Variants in TP63 observed in about 807,000 individuals in gnomAD.
TP63 encodes tumor protein 63.
Under a neutral mutation model 82.8 loss-of-function variants are expected in TP63, and 17 were observed. The observed-to-expected ratio is 0.21, with a 90% CI of 0.14 to 0.31. TP63 has a LOEUF of 0.31. TP63 is among the 10% of genes least tolerant of loss of function. The pLI is 1.00. For missense variants in TP63, 648 were observed against 895.3 expected (o/e 0.72, Z 3.52); for synonymous variants, 330 against 321.7 (o/e 1.03, Z -0.28).
intron 10 of TP63, among the ~76,000 whole-genome samples, chr3:189,881,961 TA>T (rs1397617715): frequency 6.6e-6 from 1 of 151,362 alleles, no homozygotes; most frequent in Non-Finnish European, 1.5e-5. Context: ...TTTTTTTTTT[TA>T]CTTATGTTTT....
At chr3:189,627,622 A>G (rs1729349402), upstream of TP63, among the ~76,000 whole-genome samples, 1 of 152,212 alleles carries the variant, frequency 6.6e-6, no homozygotes, top group Non-Finnish European at 1.5e-5. Context: ...CGGTGCAAAT[A>G]TAGAATATTT....
At chr3:189,633,125 T>C (rs1729561981) in intron 1 of TP63, among the ~76,000 whole-genome samples, 1 of 152,092 alleles carries the variant, frequency 6.6e-6, no homozygotes, top group Non-Finnish European at 1.5e-5. Context: ...ATAGAGAAAC[T>C]ACTTTTTATA....
intron 1 of TP63, among the ~76,000 whole-genome samples, chr3:189,644,490 G>A (rs1712223081): frequency 6.6e-6 from 1 of 152,064 alleles, no homozygotes; most frequent in Admixed American, 6.5e-5. Context: ...AAAATGTGGG[G>A]CCCACATCAG....
intron 3 of TP63, among the ~76,000 whole-genome samples, chr3:189,802,082 C>T (rs893023274): frequency 2.0e-5 from 3 of 152,148 alleles, no homozygotes; most frequent in African/African-American, 7.2e-5. Context: ...AAGAAACCAT[C>T]ATTCTCTGAG....
the TP63 span, among the ~76,000 whole-genome samples, chr3:189,611,113 A>T: frequency 6.6e-6 from 1 of 152,202 alleles, no homozygotes; most frequent in African/African-American, 2.4e-5. Context: ...CTCTATTGAT[A>T]GTTTCTTTTG....
intron 1 of TP63, among the ~76,000 whole-genome samples, chr3:189,663,637 C>T (rs1203211021): frequency 6.8e-6 from 1 of 147,384 alleles, no homozygotes; most frequent in Non-Finnish European, 1.5e-5. Context: ...AAGAGATCCT[C>T]CTGCCTCAGC....
At chr3:189,686,776 G>A (rs1716482837) in intron 1 of TP63, among the ~76,000 whole-genome samples, 1 of 145,158 alleles carries the variant, frequency 6.9e-6, no homozygotes, top group African/African-American at 2.6e-5. Context: ...TGTCAGCCAT[G>A]CTGGAGTGCA....
At chr3:189,825,111 AG>A (rs1348935220) in intron 4 of TP63, among the ~76,000 whole-genome samples, 4 of 152,232 alleles carry the variant, frequency 2.6e-5, no homozygotes, top group Non-Finnish European at 5.9e-5. Flanking sequence ...GGCAAGATGT[AG>A]CTTGCAGGAG....
intron 1 of TP63, among the ~76,000 whole-genome samples, chr3:189,667,671 T>C (rs1252231061): frequency 6.6e-6 from 1 of 152,026 alleles, no homozygotes; most frequent in African/African-American, 2.4e-5. Context: ...AAGCTGAAGA[T>C]TGCATGGTTA....
chr3:189,874,101 G>T (rs567874359), intron 10 of TP63, among the ~76,000 whole-genome samples: 3 of 151,964 alleles, frequency 2.0e-5, no homozygotes, highest in Admixed American at 1.3e-4. Flanking sequence ...ATTGAGTCTC[G>T]CTCTGTCACC....
At chr3:189,827,294 T>C (rs771322064) in intron 4 of TP63, among the ~76,000 whole-genome samples, 3 of 152,276 alleles carry the variant, frequency 2.0e-5, no homozygotes, top group Non-Finnish European at 4.4e-5. Flanking sequence ...CTCCTACTTA[T>C]TCTTTAAAAC....
At chr3:189,740,627 G>A (rs1047746043) in intron 3 of TP63, among the ~76,000 whole-genome samples, 4 of 152,166 alleles carry the variant, frequency 2.6e-5, no homozygotes, top group African/African-American at 7.2e-5. Context: ...AGCCTCCTGA[G>A]TAGCTGGGAT....
the TP63 span, among the ~76,000 whole-genome samples, chr3:189,605,084 T>A: frequency 6.6e-6 from 1 of 152,178 alleles, no homozygotes; most frequent in Non-Finnish European, 1.5e-5. Flanking sequence ...TCTAGTGGTA[T>A]CTCTTCTCGC....
upstream of TP63, among the ~76,000 whole-genome samples, chr3:189,629,565 G>C (rs371154498): frequency 1.3e-5 from 2 of 152,090 alleles, no homozygotes; most frequent in East Asian, 3.9e-4. Context: ...AAATATCAGA[G>C]CTAGAAGGAA....
chr3:189,781,637 G>GT (rs1560179237), intron 3 of TP63, among the ~76,000 whole-genome samples: 1 of 151,690 alleles, frequency 6.6e-6, no homozygotes, highest in Non-Finnish European at 1.5e-5. Flanking sequence ...GAAGATTTAC[G>GT]TAAGAAAGCT....
rs755548351 is a variant in TP63 at position 189,869,391 on chromosome 3, A to G, written c.1197A>G (p.Glu399=). ...AGAAACGAAGATCCCCAGATGATGA[A>G]CTGTTATACTTACCAGTAGGTCTTC... The part of the protein sequence containing the change: ...SIKKRRSPDD[E]LLYLPVRGRE... Residue 399 remains glutamate (E), a synonymous_variant, in exon 9 of 14, where the codon GAA becomes GAG. Transcript: ENST00000264731. 6 of 1,613,870 alleles carry G rather than the reference A, an allele frequency of 3.7e-6. No homozygotes were observed. In the Admixed American group the frequency reaches 8.3e-5, roughly 22 times the overall value.
At chr3:189,823,676 C>T (rs1024659583) in intron 4 of TP63, among the ~76,000 whole-genome samples, 29 of 152,146 alleles carry the variant, frequency 1.9e-4, no homozygotes, top group Admixed American at 1.9e-3. Context: ...CTGCCATTCT[C>T]TAGCTGGGAC....
intron 3 of TP63, among the ~76,000 whole-genome samples, chr3:189,787,809 A>C (rs940889186): frequency 6.6e-6 from 1 of 151,948 alleles, no homozygotes; most frequent in Admixed American, 6.6e-5. Flanking sequence ...CCCAAGCGTG[A>C]CTCATCCAGA....
chr3:189,849,800 C>T (rs923182839), intron 4 of TP63, among the ~76,000 whole-genome samples: 1 of 152,076 alleles, frequency 6.6e-6, no homozygotes, highest in Non-Finnish European at 1.5e-5. Flanking sequence ...TAATAAGCTT[C>T]ACCTCTTTAA....
Sources: allele counts gnomAD v4.1 joint callset (sites outside exome capture counted in the v4.1 genomes callset), GRCh38; gene constraint gnomAD v4.1.1; transcripts MANE v1.5; gene names NCBI Gene and HGNC (gene_info 2026-07-23, HGNC 2026-07-21).